Variants in CPNE8 observed in about 807,000 individuals in gnomAD.
CPNE8 encodes the protein copine-8.
Under a neutral mutation model 81.5 loss-of-function variants are expected in CPNE8, and 45 were observed. The ratio of observed to expected loss-of-function variants is 0.55; its 90% CI spans 0.44 to 0.71. CPNE8 has a LOEUF of 0.71. Ranked by LOEUF, CPNE8 falls within the 30% of genes least tolerant of loss-of-function variation. The pLI is 0.00. For missense variants in CPNE8, 594 were observed against 672.1 expected, an observed-to-expected ratio of 0.88 and a Z score of 1.28; for synonymous variants, 252 against 226.3, an observed-to-expected ratio of 1.11 and a Z score of -1.02.
chr12:38,673,011 G>A (rs1939210046), intron 18 of CPNE8, among the ~76,000 whole-genome samples: 1 of 152,124 alleles, frequency 6.6e-6, no homozygotes, highest in Admixed American at 6.6e-5. Flanking sequence ...CATGTGTTGA[G>A]GGAGGGACCT....
chr12:38,683,647 G>A (rs913043513), intron 16 of CPNE8, among the ~76,000 whole-genome samples: 1 of 152,048 alleles, frequency 6.6e-6, no homozygotes, highest in African/African-American at 2.4e-5. Context: ...AAGATGAAAG[G>A]ATAAAAGCAT....
At chr12:38,889,890 G>C (rs1053791505) in intron 1 of CPNE8, among the ~76,000 whole-genome samples, 2 of 152,208 alleles carry the variant, frequency 1.3e-5, no homozygotes, top group Non-Finnish European at 2.9e-5. Flanking sequence ...TAGAGAAAAT[G>C]ATGGGGAGGA....
chr12:38,899,666 C>G (rs1047035534), intron 1 of CPNE8, among the ~76,000 whole-genome samples: 1 of 152,160 alleles, frequency 6.6e-6, no homozygotes, highest in East Asian at 1.9e-4. Flanking sequence ...TTATTTTTTA[C>G]TGATGTGTAG....
intron 7 of CPNE8, among the ~76,000 whole-genome samples, chr12:38,771,569 AACTGT>A (rs1941804505): frequency 6.6e-6 from 1 of 152,240 alleles, no homozygotes; most frequent in African/African-American, 2.4e-5. Flanking sequence ...ATTTGAATAA[AACTGT>A]ATCAAAATAA....
intron 3 of CPNE8, among the ~76,000 whole-genome samples, chr12:38,869,836 C>T (rs548657884): frequency 1.3e-5 from 2 of 152,242 alleles, no homozygotes; most frequent in African/African-American, 4.8e-5. Flanking sequence ...ATTATTCCTT[C>T]TTACCAATAC....
At chr12:38,904,485 T>C (rs1302496174) in intron 1 of CPNE8, among the ~76,000 whole-genome samples, 3 of 151,110 alleles carry the variant, frequency 2.0e-5, no homozygotes, top group South Asian at 4.2e-4. Context: ...TTTTTTTTTT[T>C]TGAGATGGAG....
rs1477031019 is a variant in CPNE8 at position 38,677,460 on chromosome 12, T to C, written c.1366A>G (p.Ile456Val). The C allele has an allele frequency of 1.3e-6, 2 of 1,590,070 alleles. No homozygotes were observed. The highest frequency in any genetic ancestry group is 8.6e-7 in the Non-Finnish European group (1 of 1,158,412). ...GAGTGACCCCCACTTACATTAACTA[T>C]GGACTCCTTAGTCTGGGCCATATCT... The part of the protein sequence containing the change: ...ISDMAQTKES[I>V]VNASKLPMSI... The change falls in exon 17 of 20, where the codon ATA (isoleucine) becomes GTA (valine). Residue 456 changes from isoleucine (I) to valine (V), a missense_variant. Coordinates refer to ENST00000331366, the MANE Select transcript of CPNE8 (RefSeq NM_153634.3).
At chr12:38,788,055 T>C (rs535225326) in intron 6 of CPNE8, among the ~76,000 whole-genome samples, 1 of 143,946 alleles carries the variant, frequency 6.9e-6, no homozygotes, top group East Asian at 2.0e-4. Flanking sequence ...CTAATACCAA[T>C]CTTATTCGAA....
chr12:38,769,927 A>G (rs1941766927), intron 7 of CPNE8, among the ~76,000 whole-genome samples: 1 of 152,196 alleles, frequency 6.6e-6, no homozygotes, highest in South Asian at 2.1e-4. Context: ...TCTTGCAATT[A>G]CTCAGGTTAA....
At chr12:38,806,242 A>G (rs1942798574) in intron 6 of CPNE8, among the ~76,000 whole-genome samples, 1 of 150,268 alleles carries the variant, frequency 6.7e-6, no homozygotes, top group African/African-American at 2.4e-5. Flanking sequence ...AATCCTCCCT[A>G]ACTCATTTGA....
chr12:38,661,249 A>G (rs1335875046), intron 19 of CPNE8, among the ~76,000 whole-genome samples: 1 of 152,240 alleles, frequency 6.6e-6, no homozygotes, highest in African/African-American at 2.4e-5. Flanking sequence ...AAAATGTGGC[A>G]CACATATACC....
chr12:38,810,467 T>C (rs150324893), intron 6 of CPNE8, among the ~76,000 whole-genome samples: 191 of 152,284 alleles, frequency 1.3e-3, no homozygotes, highest in African/African-American at 4.3e-3. Context: ...AATCTCTTCA[T>C]TTGAGAGTCT....
intron 6 of CPNE8, among the ~76,000 whole-genome samples, chr12:38,825,318 C>G (rs1183635568): frequency 6.6e-6 from 1 of 152,118 alleles, no homozygotes; most frequent in Non-Finnish European, 1.5e-5. Context: ...CAGATCTTCC[C>G]ATGTTCCCAT....
At chr12:38,761,082 C>T (rs976237951) in intron 9 of CPNE8, among the ~76,000 whole-genome samples, 194 bp from the exon 10 acceptor site, 16 of 152,150 alleles carry the variant, frequency 1.1e-4, no homozygotes, top group Admixed American at 2.0e-4. Flanking sequence ...CTTCTAAAAT[C>T]TTCATTGATT....
chr12:38,771,752 T>C (rs954127545), intron 7 of CPNE8, among the ~76,000 whole-genome samples: 1 of 152,124 alleles, frequency 6.6e-6, no homozygotes, highest in Non-Finnish European at 1.5e-5. Context: ...ATATTGGCCT[T>C]GGATATTATT....
intron 11 of CPNE8, among the ~76,000 whole-genome samples, 195 bp downstream of exon 11, chr12:38,730,088 A>G (rs150958178): frequency 2.6e-5 from 4 of 152,136 alleles, no homozygotes; most frequent in Admixed American, 2.6e-4. Context: ...AGAATTAAAA[A>G]TCAAAAACAT....
chr12:38,854,038 A>G (rs968897071), intron 3 of CPNE8, among the ~76,000 whole-genome samples: 1 of 152,104 alleles, frequency 6.6e-6, no homozygotes, highest in Non-Finnish European at 1.5e-5. Flanking sequence ...CTTAGTAGCC[A>G]TGATATACAG....
Position 38,762,218 on chromosome 12 carries a change from T to C in CPNE8, c.576-2A>G. ...TCTGTCTTGTGACAAATTGTAAAAC[T>C]ATAAAGAAAGAGTTTTCAGTTATTT... On this transcript the variant is annotated splice_acceptor_variant, in intron 8 of 19. Coordinates refer to ENST00000331366, the MANE Select transcript of CPNE8 (RefSeq NM_153634.3). LOFTEE classifies it high-confidence loss of function. 1 of 1,539,488 alleles carries C rather than the reference T, an allele frequency of 6.5e-7. No homozygotes were observed. The highest frequency in any genetic ancestry group is 8.9e-7 in the Non-Finnish European group (1 of 1,126,636).
intron 6 of CPNE8, among the ~76,000 whole-genome samples, chr12:38,789,180 T>C (rs1942267780): frequency 6.6e-6 from 1 of 151,560 alleles, no homozygotes; most frequent in African/African-American, 2.4e-5. Flanking sequence ...CTGGAGAAAT[T>C]ACATTACCTG....
Sources: allele counts gnomAD v4.1 joint callset (sites outside exome capture counted in the v4.1 genomes callset), GRCh38; gene constraint gnomAD v4.1.1; transcripts MANE v1.5; gene names NCBI Gene and HGNC (gene_info 2026-07-23, HGNC 2026-07-21).